Variants in AGAP2 observed in about 807,000 individuals in gnomAD.
The protein encoded by AGAP2 is arf-GAP with GTPase, ANK repeat and PH domain-containing protein 2.
A neutral mutation model predicts 110.9 loss-of-function variants in AGAP2; 32 were observed. The ratio of observed to expected loss-of-function variants is 0.29; its 90% CI spans 0.22 to 0.39. The LOEUF (loss-of-function observed/expected upper bound fraction) is 0.39, where lower values mean the gene tolerates loss of function less well. Among genes scored for constraint, AGAP2 ranks in the 10% least tolerant of loss-of-function variants. The probability of loss-of-function intolerance (pLI) is 1.00; values close to 1 mark genes in which losing one functional copy is unlikely to be tolerated. For missense variants in AGAP2, 1,285 were observed against 1,638.5 expected (o/e 0.78, Z 3.72); for synonymous variants, 702 against 713.0 (o/e 0.98, Z 0.25).
intron 13 of AGAP2, among the ~76,000 whole-genome samples, chr12:57,728,971 C>G (rs1179048860): frequency 6.6e-6 from 1 of 151,886 alleles, no homozygotes; most frequent in South Asian, 2.1e-4. Context: ...GTCAGGAGAT[C>G]AAGACCATCC....
At chr12:57,741,900 C>G, upstream of AGAP2, 2 of 1,611,402 alleles carry the variant, frequency 1.2e-6, no homozygotes, top group Non-Finnish European at 1.7e-6. Flanking sequence ...TGAGGGCTGA[C>G]CTTTCTCTTA....
chr12:57,727,097 G>C lies in AGAP2; in HGVS notation c.3213C>G (p.Leu1071=). The C allele has an allele frequency of 6.3e-7, 1 of 1,594,608 alleles. No individual in the cohort carries two copies. Among genetic ancestry groups the C allele is most frequent in the Non-Finnish European group, 8.5e-7 (1 of 1,171,720 alleles). Reference sequence around the variant, plus strand: ...CGTGTCGCGCATGGGCCAAAAGCAGGAGAACGGTAGCCACGTCCTGGGCCT... The same window carrying C: ...CGTGTCGCGCATGGGCCAAAAGCAGCAGAACGGTAGCCACGTCCTGGGCCT... The part of the protein sequence containing the change: ...AVQAQDVATV[L]LLLAHARHGP... Residue 1071 remains leucine (L), a synonymous_variant, in exon 18 of 19, where the codon CTC becomes CTG. Transcript: ENST00000547588.
chr12:57,741,871 G>A, upstream of AGAP2: 1 of 1,598,762 alleles, frequency 6.3e-7, no homozygotes. Context: ...GCACCTGCTA[G>A]TCCCTGATAC....
chr12:57,741,900 CCTTT>C, upstream of AGAP2: 4 of 1,611,402 alleles, frequency 2.5e-6, no homozygotes, highest in Non-Finnish European at 3.4e-6. Flanking sequence ...TGAGGGCTGA[CCTTT>C]CTCTTACCTC....
rs751980832 is a variant in AGAP2, at chr12:57,735,479, C to A, written c.1169-52G>T. 18 of 1,553,218 alleles carry A rather than the reference C, an allele frequency of 1.2e-5. No individual in the cohort carries two copies. The Admixed American group carries it at 3.0e-4, about 26-fold the overall frequency. ...GGGAGGCTCCTGGCTCAGAAGGACC[C>A]CCAACACTGAGCCACCCCTCCTCCC... is the stretch of plus-strand genomic sequence containing the variant. On this transcript the variant is annotated intron_variant, in intron 1 of 18. Transcript: ENST00000547588.
rs554516694 is a variant in AGAP2 at position 57,737,373 on chromosome 12, G to A, written c.874C>T (p.Pro292Ser). 5.0e-6 allele frequency: 8 copies of A among 1,613,890 alleles called. No individual in the cohort carries two copies. Among genetic ancestry groups the A allele is most frequent in the Middle Eastern group, 1.6e-4 (1 of 6,062 alleles). The change falls in exon 1 of 19, where the codon CCG becomes TCG. Residue 292 changes from proline (P) to serine (S), a missense_variant. Transcript: ENST00000547588. The surrounding 1 kb of genome is among the most constrained non-coding windows in gnomAD (Gnocchi z 5.9). ...HPGPPAGSPPPLTLPPTPSPA... is the reference protein window; with the variant it reads ...HPGPPAGSPPSLTLPPTPSPA... ...CTCGGAGTTGGTGGGAGGGTTAGCGGAGGAGGAGAGCCGGCAGGCGGTCCC... is the reference window on the plus strand; with the variant it reads ...CTCGGAGTTGGTGGGAGGGTTAGCGAAGGAGGAGAGCCGGCAGGCGGTCCC...
At chr12:57,732,020 G>A (rs1954896674) in intron 7 of AGAP2, 53 bp from the exon 8 acceptor site, 1 of 1,582,030 alleles carries the variant, frequency 6.3e-7, no homozygotes, top group South Asian at 1.1e-5. Context: ...ACTCCACCAA[G>A]CTACACTCAT....
chr12:57,730,708 G>A, intron 11 of AGAP2, 83 bp downstream of exon 11: 5 of 1,608,172 alleles, frequency 3.1e-6, no homozygotes, highest in Non-Finnish European at 4.2e-6. Flanking sequence ...TACTCGCCCA[G>A]TGCCAGCCCC....
In AGAP2 at chr12:57,734,511, C is replaced by G. The variant is rs564952706; in HGVS notation, c.1315+81G>C. 6 of 1,591,050 alleles carry G rather than the reference C, an allele frequency of 3.8e-6. No individual in the cohort carries two copies. In the East Asian group the frequency reaches 1.3e-4, roughly 36 times the overall value. ...TATGGCCTCATCCTTCCCCCCTGGT[C>G]TCCACACCTGCCTAATCATTGATCT... On this transcript the variant is annotated intron_variant, in intron 3 of 18. Coordinates refer to ENST00000547588, the MANE Select transcript of AGAP2 (RefSeq NM_001122772.3).
intron 7 of AGAP2, 72 bp downstream of exon 7, chr12:57,732,331 G>A: frequency 7.1e-7 from 1 of 1,401,916 alleles, no homozygotes; most frequent in Non-Finnish European, 9.9e-7. Context: ...TGGGTACTCT[G>A]TACCTGTCCT....
At chr12:57,728,869 T>C (rs925600501) in intron 13 of AGAP2, among the ~76,000 whole-genome samples, 1 of 151,906 alleles carries the variant, frequency 6.6e-6, no homozygotes, top group Non-Finnish European at 1.5e-5. Context: ...TAGAAAGTTA[T>C]CGGGAGAAGG....
At chr12:57,735,763 G>A (rs1265317651) in intron 1 of AGAP2, among the ~76,000 whole-genome samples, 1 of 152,178 alleles carries the variant, frequency 6.6e-6, no homozygotes, top group Non-Finnish European at 1.5e-5. Flanking sequence ...TCTTCCCTCT[G>A]GAAAAAGAAT....
Position 57,738,151 on chromosome 12 carries a change from AGGC to A in AGAP2, c.93_95del (p.Pro32del), listed in dbSNP as rs1565798962. ...CGCCGGCCGCGGCCGCAGACGGAGAAGGCGGCGGCGGAGGCACCGACTCGAGCT... is the reference window on the plus strand; with the variant it reads ...CGCCGGCCGCGGCCGCAGACGGAGAAGGCGGCGGAGGCACCGACTCGAGCT... On this transcript the variant is annotated inframe_deletion, in exon 1 of 19. Coordinates refer to ENST00000547588, the MANE Select transcript of AGAP2 (RefSeq NM_001122772.3). The surrounding 1 kb of genome is among the most constrained non-coding windows in gnomAD (Gnocchi z 6.7). The A allele has an allele frequency of 6.6e-7, 1 of 1,523,434 alleles. No individual in the cohort carries two copies. Among genetic ancestry groups the A allele is most frequent in the Non-Finnish European group, 8.8e-7 (1 of 1,140,664 alleles). 94.4% of individuals were successfully genotyped at this position (1,523,434 alleles called of 1,614,324 possible).
intron 1 of AGAP2, among the ~76,000 whole-genome samples, chr12:57,736,737 C>G (rs1370901766): frequency 6.6e-6 from 1 of 152,186 alleles, no homozygotes; most frequent in Non-Finnish European, 1.5e-5. Context: ...ACGGCAAAGC[C>G]CCGTTTCCAT....
upstream of AGAP2, chr12:57,741,931 G>A: frequency 1.9e-6 from 3 of 1,614,026 alleles, no homozygotes; most frequent in Non-Finnish European, 2.5e-6. Flanking sequence ...TGTCCAATGA[G>A]GCCTGGATGC....
At position 57,727,028 on chromosome 12, in the gene AGAP2, T is replaced by A. The variant is rs1473165378; in HGVS notation, c.3282A>T (p.Pro1094=). The A allele has an allele frequency of 6.2e-7, 1 of 1,608,608 alleles. No individual in the cohort carries two copies. Among genetic ancestry groups the A allele is most frequent in the Non-Finnish European group, 8.5e-7 (1 of 1,178,398 alleles). ...TSVEDPQLRS[P]LHLAAELAHV... is the part of the protein sequence containing the mutation. ...GGGCGAGCTCGGCCGCCAGGTGGAG[T>A]GGGGAGCGCAGCTGTGGGTCCTCTA... Residue 1094 remains proline, a synonymous_variant, in exon 18 of 19, where the codon CCA becomes CCT. Transcript: ENST00000547588.
intron 6 of AGAP2, 42 bp from the exon 7 acceptor site, chr12:57,732,554 C>A: frequency 6.6e-7 from 1 of 1,512,778 alleles, no homozygotes; most frequent in Non-Finnish European, 9.0e-7. Context: ...AGGCCAGATA[C>A]CCAAGACCAC....
intron 12 of AGAP2, among the ~76,000 whole-genome samples, chr12:57,730,050 G>T (rs1252287071): frequency 2.2e-4 from 34 of 152,094 alleles, no homozygotes; most frequent in Admixed American, 2.2e-3. Flanking sequence ...TGAAATAGGG[G>T]TAATAATCTT....
chr12:57,726,435 G>T lies in AGAP2; in HGVS notation c.*117C>A. The T allele has an allele frequency of 9.7e-7, 1 of 1,030,888 alleles. No individual in the cohort carries two copies. Among genetic ancestry groups the T allele is most frequent in the Non-Finnish European group, 1.2e-6 (1 of 833,638 alleles). The allele number at this position is 1,030,888 out of a possible 1,614,324, so 63.9% of individuals were successfully genotyped here. ...CTGTGCCCTCGTGGGGGTAGGAAGT[G>T]CTCCCGTGGGGCGGGGTGCGGATCG... On this transcript the variant is annotated 3_prime_UTR_variant, in exon 19 of 19. Coordinates refer to ENST00000547588, the MANE Select transcript of AGAP2 (RefSeq NM_001122772.3). This position sits in a 1 kb window ranked among gnomAD's most constrained non-coding sequence, Gnocchi z 5.7.
Sources: gnomAD v4.1 joint callset for allele counts (sites outside exome capture counted in the v4.1 genomes callset) on GRCh38, gnomAD v4.1.1 for gene constraint, Gnocchi (gnomAD v3.1) non-coding constraint, MANE v1.5 for transcripts, NCBI Gene and HGNC (gene_info 2026-07-23, HGNC 2026-07-21) for gene names.